Variants in SOX5 observed in about 807,000 individuals in gnomAD.
The protein encoded by SOX5 is SRY-box transcription factor 5.
SOX5 carries 9 observed loss-of-function variants against 92.0 expected under a neutral mutation model. The observed-to-expected ratio is 0.10, with a 90% CI of 0.06 to 0.17. The LOEUF (loss-of-function observed/expected upper bound fraction) is 0.17, where lower values mean the gene tolerates loss of function less well. Among genes scored for constraint, SOX5 ranks in the 10% least tolerant of loss-of-function variants. The pLI is 1.00. For missense variants in SOX5, 642 were observed against 944.5 expected (o/e 0.68, Z 4.20); for synonymous variants, 344 against 336.3 (o/e 1.02, Z -0.25).
intron 6 of SOX5, among the ~76,000 whole-genome samples, chr12:23,701,248 T>C (rs1474021161): frequency 1.3e-5 from 2 of 152,076 alleles, no homozygotes; most frequent in African/African-American, 2.4e-5. Flanking sequence ...TGTGCCAATA[T>C]CTATGGCACA....
At chr12:24,515,617 AC>A (rs1277554132) in intron 1 of SOX5, among the ~76,000 whole-genome samples, 10 of 152,182 alleles carry the variant, frequency 6.6e-5, no homozygotes, top group African/African-American at 2.4e-4. Context: ...TTCTTATCAA[AC>A]TGTATGCTGT....
intron 2 of SOX5, among the ~76,000 whole-genome samples, chr12:24,315,904 T>A (rs1949655648): frequency 6.6e-6 from 1 of 152,188 alleles, no homozygotes; most frequent in African/African-American, 2.4e-5. Flanking sequence ...TTCAACTAAC[T>A]CAGGCTTCAG....
At chr12:23,996,366 T>C (rs960817054) in intron 4 of SOX5, among the ~76,000 whole-genome samples, 7 of 152,088 alleles carry the variant, frequency 4.6e-5, no homozygotes, top group South Asian at 4.1e-4. Context: ...TGTGAAGAAA[T>C]TGAAACACTT....
intron 3 of SOX5, among the ~76,000 whole-genome samples, chr12:23,773,280 T>G (rs554055067): frequency 6.6e-6 from 1 of 152,340 alleles, no homozygotes; most frequent in Non-Finnish European, 1.5e-5. Context: ...CCAGTGGTGG[T>G]AGAGTTGGCA....
intron 4 of SOX5, among the ~76,000 whole-genome samples, chr12:24,053,079 AC>A (rs1035231417): frequency 2.6e-5 from 4 of 152,144 alleles, no homozygotes; most frequent in Admixed American, 2.6e-4. Context: ...GCAAATAAAA[AC>A]TTTTTCCACC....
At chr12:24,271,172 A>G (rs924543796) in intron 3 of SOX5, among the ~76,000 whole-genome samples, 1 of 152,198 alleles carries the variant, frequency 6.6e-6, no homozygotes, top group East Asian at 1.9e-4. Flanking sequence ...AACCTTGTCA[A>G]CGCTTTGAAC....
At chr12:23,628,732 A>G (rs551271719) in intron 8 of SOX5, among the ~76,000 whole-genome samples, 9 of 152,044 alleles carry the variant, frequency 5.9e-5, no homozygotes, top group African/African-American at 1.9e-4. Context: ...CGTACCCTCA[A>G]TTTGGCAGGA....
intron 1 of SOX5, among the ~76,000 whole-genome samples, chr12:23,923,343 A>C (rs950082887): frequency 1.3e-5 from 2 of 149,826 alleles, no homozygotes; most frequent in Non-Finnish European, 3.0e-5. Context: ...ACGTAAAAGC[A>C]TAATGTAAGC....
intron 1 of SOX5, among the ~76,000 whole-genome samples, chr12:24,417,682 A>AT: frequency 6.6e-6 from 1 of 152,354 alleles, no homozygotes; most frequent in Middle Eastern, 3.4e-3. Flanking sequence ...GAAGGGCTTC[A>AT]TAGAAGTAAT....
chr12:24,430,824 G>A (rs1938155461), intron 1 of SOX5, among the ~76,000 whole-genome samples: 1 of 152,032 alleles, frequency 6.6e-6, no homozygotes, highest in Non-Finnish European at 1.5e-5. Flanking sequence ...CCAAGATACT[G>A]GACCAGACAG....
chr12:23,907,856 C>T (rs2097310083), intron 1 of SOX5, among the ~76,000 whole-genome samples: 1 of 152,094 alleles, frequency 6.6e-6, no homozygotes, highest in Non-Finnish European at 1.5e-5. Context: ...GTCATTTTGA[C>T]CCCTTTGGGA....
intron 4 of SOX5, among the ~76,000 whole-genome samples, chr12:24,097,372 T>A (rs190097055): frequency 6.6e-6 from 1 of 152,286 alleles, no homozygotes; most frequent in Admixed American, 6.5e-5. Context: ...TTTGTTTTTT[T>A]ATAAAGTCCA....
chr12:24,360,688 T>C (rs538935909), intron 2 of SOX5, among the ~76,000 whole-genome samples: 1 of 152,272 alleles, frequency 6.6e-6, no homozygotes, highest in East Asian at 1.9e-4. Flanking sequence ...ATCTTAGTGG[T>C]TCATAGCGCA....
intron 1 of SOX5, among the ~76,000 whole-genome samples, chr12:24,490,635 G>A (rs1946966533): frequency 6.6e-6 from 1 of 151,962 alleles, no homozygotes; most frequent in Admixed American, 6.6e-5. Flanking sequence ...CTTTTGGAAT[G>A]CTTTCATGGA....
intron 3 of SOX5, among the ~76,000 whole-genome samples, chr12:24,242,875 A>G (rs1344444225): frequency 6.6e-6 from 1 of 152,186 alleles, no homozygotes; most frequent in Non-Finnish European, 1.5e-5. Context: ...TATCTTATAT[A>G]AGTAACACTT....
At chr12:23,796,840 C>T (rs1229506333) in intron 3 of SOX5, among the ~76,000 whole-genome samples, 1 of 147,136 alleles carries the variant, frequency 6.8e-6, no homozygotes, top group African/African-American at 2.5e-5. Flanking sequence ...TTTCACATTG[C>T]AAAGCCTTAA....
At position 24,533,194 on chromosome 12, in the gene SOX5, G is replaced by A. The variant is rs1026329640; in HGVS notation, c.-251+29135C>T. On this transcript the variant is annotated intron_variant, in intron 1 of 4. Coordinates refer to the SOX5 transcript ENST00000446891. ...AAAGACATAATGAATATGATATTCT[G>A]TTGGAATTAATCCATGGTCAATTCC... Among the ~76,000 whole-genome samples, 3 of 152,056 alleles carry A rather than the reference G, an allele frequency of 2.0e-5. No individual in the cohort carries two copies. The East Asian group carries it at 5.8e-4, about 29-fold the overall frequency.
At chr12:24,366,945 A>C (rs1007723180) in intron 2 of SOX5, among the ~76,000 whole-genome samples, 1 of 152,154 alleles carries the variant, frequency 6.6e-6, no homozygotes, top group South Asian at 2.1e-4. Context: ...AAAAGAAAAA[A>C]AAAGGAAGAA....
At chr12:23,854,055 C>G (rs893264668) in intron 2 of SOX5, among the ~76,000 whole-genome samples, 1 of 152,008 alleles carries the variant, frequency 6.6e-6, no homozygotes, top group Middle Eastern at 3.4e-3. Flanking sequence ...GACTAAATAT[C>G]TATTCACTCT....
Sources: allele counts gnomAD v4.1 joint callset (sites outside exome capture counted in the v4.1 genomes callset), GRCh38; gene constraint gnomAD v4.1.1; transcripts MANE v1.5; gene names NCBI Gene and HGNC (gene_info 2026-07-23, HGNC 2026-07-21).